Variants in OXR1 observed in about 807,000 individuals in gnomAD.
OXR1 encodes oxidation resistance 1, also known as oxidation resistance protein 1.
In OXR1, 41 loss-of-function variants were observed where a neutral mutation model predicts 104.6. The ratio of observed to expected loss-of-function variants is 0.39; its 90% CI spans 0.31 to 0.51. The LOEUF (loss-of-function observed/expected upper bound fraction) is 0.51. Among genes scored for constraint, OXR1 ranks in the 20% least tolerant of loss-of-function variants. The pLI is 0.77. For synonymous variants in OXR1, 348 were observed against 348.4 expected (o/e 1.00, Z 0.01); for missense variants, 955 against 1,031.9 (o/e 0.93, Z 1.02).
chr8:106,661,615 AGT>A (rs1265805935), intron 3 of OXR1, among the ~76,000 whole-genome samples: 3 of 152,214 alleles, frequency 2.0e-5, no homozygotes, highest in Non-Finnish European at 1.5e-5. Flanking sequence ...AAATTTTACT[AGT>A]GTAGACTCTC....
At chr8:106,467,862 C>G (rs1821259437) in intron 2 of OXR1, among the ~76,000 whole-genome samples, 1 of 151,792 alleles carries the variant, frequency 6.6e-6, no homozygotes, top group Non-Finnish European at 1.5e-5. Context: ...TTTCAAGTAT[C>G]CAAATTGTAC....
intron 1 of OXR1, among the ~76,000 whole-genome samples, chr8:106,285,517 G>A (rs1191087890): frequency 1.3e-5 from 2 of 152,180 alleles, no homozygotes; most frequent in South Asian, 2.1e-4. Flanking sequence ...CTAGGTCTGT[G>A]TGTCCCCATA....
chr8:106,699,379 GTTGT>G (rs1180424557), intron 7 of OXR1, among the ~76,000 whole-genome samples: 8 of 152,224 alleles, frequency 5.3e-5, no homozygotes, highest in South Asian at 2.1e-4. Context: ...TCATTTCTGG[GTTGT>G]TTGTTTGTTT....
At chr8:106,458,113 A>C (rs1425737389) in intron 2 of OXR1, among the ~76,000 whole-genome samples, 1 of 152,194 alleles carries the variant, frequency 6.6e-6, no homozygotes, top group Non-Finnish European at 1.5e-5. Context: ...TAAAGAGATT[A>C]ATATGGATAG....
At chr8:106,288,879 A>G (rs547750103) in intron 1 of OXR1, among the ~76,000 whole-genome samples, 1 of 151,998 alleles carries the variant, frequency 6.6e-6, no homozygotes, top group African/African-American at 2.4e-5. Flanking sequence ...TCATTCATTC[A>G]TTCGTTCTTT....
At chr8:106,452,533 A>T (rs1418669133) in intron 2 of OXR1, among the ~76,000 whole-genome samples, 1 of 152,188 alleles carries the variant, frequency 6.6e-6, no homozygotes, top group Non-Finnish European at 1.5e-5. Context: ...ATCTATGGAT[A>T]CCTTTTCTTT....
intron 3 of OXR1, among the ~76,000 whole-genome samples, chr8:106,654,536 T>C (rs1824894435): frequency 6.6e-6 from 1 of 152,096 alleles, no homozygotes; most frequent in South Asian, 2.1e-4. Flanking sequence ...TAACCCAACA[T>C]AGATCAAAGA....
chr8:106,725,766 C>A (rs997902254), intron 11 of OXR1, among the ~76,000 whole-genome samples: 1 of 152,100 alleles, frequency 6.6e-6, no homozygotes, highest in African/African-American at 2.4e-5. Context: ...AAGATACAAT[C>A]TTATAGTACT....
At chr8:106,697,289 G>A (rs1466978498) in intron 7 of OXR1, 2 of 726,838 alleles carry the variant, frequency 2.8e-6, no homozygotes, top group African/African-American at 1.8e-5. Flanking sequence ...GAGGTGATAG[G>A]ACAGGCTGAA....
At chr8:106,505,289 A>AG (rs1222465702) in intron 2 of OXR1, among the ~76,000 whole-genome samples, 3 of 152,194 alleles carry the variant, frequency 2.0e-5, no homozygotes, top group African/African-American at 7.2e-5. Context: ...GCCTATGAGG[A>AG]GGGGGTCATT....
chr8:106,314,468 G>T (rs2130147061), intron 1 of OXR1, among the ~76,000 whole-genome samples: 1 of 152,278 alleles, frequency 6.6e-6, no homozygotes, highest in African/African-American at 2.4e-5. Flanking sequence ...ATAAGACACT[G>T]AGCACAGTTT....
chr8:106,560,387 A>T (rs1344305303), intron 3 of OXR1, among the ~76,000 whole-genome samples: 1 of 152,122 alleles, frequency 6.6e-6, no homozygotes, highest in Non-Finnish European at 1.5e-5. Flanking sequence ...CCTTAAGCCC[A>T]TCTTGATAGC....
intron 2 of OXR1, among the ~76,000 whole-genome samples, chr8:106,505,396 G>A (rs1812091887): frequency 6.6e-6 from 1 of 152,166 alleles, no homozygotes; most frequent in Admixed American, 6.5e-5. Context: ...ATACATAAAA[G>A]AAATCTACTT....
intron 3 of OXR1, among the ~76,000 whole-genome samples, chr8:106,665,412 A>G (rs1408569620): frequency 2.6e-5 from 4 of 152,230 alleles, no homozygotes; most frequent in African/African-American, 9.6e-5. Context: ...TAACAAAACA[A>G]TGATAACAAA....
rs988991788 is a variant in OXR1, at chr8:106,751,417, G to C, written c.*476G>C. 1 of 152,616 alleles carries C rather than the reference G, an allele frequency of 6.6e-6. No individual in the cohort carries two copies. The highest frequency in any genetic ancestry group is 6.5e-5 in the Admixed American group (1 of 15,282). The allele number at this position is 152,616 out of a possible 1,614,324, so 9.5% of individuals were successfully genotyped here. ...GACATGTTCATCTTATTCTTAGGAAGGAAAAAATCACTTGCCAAAATAATA... is the reference window on the plus strand; with the variant it reads ...GACATGTTCATCTTATTCTTAGGAACGAAAAAATCACTTGCCAAAATAATA... On this transcript the variant is annotated 3_prime_UTR_variant, in exon 17 of 17. Transcript: ENST00000517566.
chr8:106,718,331 A>G (rs528007647), intron 11 of OXR1, among the ~76,000 whole-genome samples: 4 of 152,332 alleles, frequency 2.6e-5, no homozygotes, highest in Admixed American at 6.5e-5. Flanking sequence ...ATTGAAGACC[A>G]GTCCTATTGA....
intron 16 of OXR1, among the ~76,000 whole-genome samples, chr8:106,749,547 A>G (rs183369250): frequency 1.3e-5 from 2 of 152,268 alleles, no homozygotes; most frequent in African/African-American, 4.8e-5. Context: ...CAGAGAGGTT[A>G]AGTGACTTAA....
intron 11 of OXR1, among the ~76,000 whole-genome samples, chr8:106,715,719 C>A (rs1587212033): frequency 6.6e-6 from 1 of 152,080 alleles, no homozygotes; most frequent in East Asian, 1.9e-4. Flanking sequence ...GAATTGAGAG[C>A]TTTCTCTCCA....
intron 2 of OXR1, among the ~76,000 whole-genome samples, chr8:106,491,340 G>A (rs889415410): frequency 6.6e-6 from 1 of 152,246 alleles, no homozygotes; most frequent in East Asian, 1.9e-4. Context: ...TAATATGTAT[G>A]TGCAGACAAA....
Sources: gnomAD v4.1 joint callset for allele counts (sites outside exome capture counted in the v4.1 genomes callset) on GRCh38, gnomAD v4.1.1 for gene constraint, MANE v1.5 for transcripts, NCBI Gene and HGNC (gene_info 2026-07-23, HGNC 2026-07-21) for gene names.